Variants in COL4A1 observed in about 807,000 individuals in gnomAD.
The protein encoded by COL4A1 is collagen alpha-1(IV) chain.
COL4A1 carries 40 observed loss-of-function variants against 216.6 expected under a neutral mutation model. The ratio of observed to expected loss-of-function variants is 0.18; its 90% confidence interval spans 0.14 to 0.24. The LOEUF is 0.24. COL4A1 is among the 10% of genes least tolerant of loss of function. The pLI is 1.00. For missense variants in COL4A1, 1,628 were observed against 2,196.8 expected (o/e 0.74, Z 5.18); for synonymous variants, 839 against 810.7 (o/e 1.03, Z -0.59).
At chr13:110,281,111 A>T (rs1029047280) in intron 1 of COL4A1, among the ~76,000 whole-genome samples, 1 of 152,156 alleles carries the variant, frequency 6.6e-6, no homozygotes, top group African/African-American at 2.4e-5. Context: ...GAACTCAACA[A>T]CATCTTTGAC....
chr13:110,291,532 T>C (rs147749536), intron 1 of COL4A1, among the ~76,000 whole-genome samples: 2 of 152,332 alleles, frequency 1.3e-5, no homozygotes, highest in African/African-American at 2.4e-5. Flanking sequence ...TTCTCAGCCC[T>C]GCGAGGCTGG....
At chr13:110,288,258 C>T (rs1026363970) in intron 1 of COL4A1, among the ~76,000 whole-genome samples, 1 of 126,242 alleles carries the variant, frequency 7.9e-6, no homozygotes, top group Non-Finnish European at 1.7e-5. Flanking sequence ...GCGAAACTCC[C>T]TCTCAAAAAA....
chr13:110,172,835 C>T, intron 40 of COL4A1, 65 bp from the exon 41 acceptor site: 2 of 1,320,950 alleles, frequency 1.5e-6, no homozygotes, highest in Non-Finnish European at 2.2e-6. Flanking sequence ...AGGTACAACA[C>T]AAAGCACTAT....
intron 10 of COL4A1, chr13:110,209,777 C>T (rs1285209470): frequency 5.1e-6 from 4 of 783,394 alleles, no homozygotes. Context: ...ATGGTACTAT[C>T]ATCATCCCTT....
At chr13:110,198,409 GCCCGGCA>G in intron 21 of COL4A1, 51 bp downstream of exon 21, 2 of 1,605,040 alleles carry the variant, frequency 1.2e-6, no homozygotes, top group Non-Finnish European at 1.7e-6. Context: ...ACCTGGGTCT[GCCCGGCA>G]CCCTGGTGTC....
intron 2 of COL4A1, among the ~76,000 whole-genome samples, chr13:110,221,300 T>A (rs974279839): frequency 6.6e-6 from 1 of 152,160 alleles, no homozygotes; most frequent in East Asian, 1.9e-4. Context: ...TTCTGATCCA[T>A]GAAAATCCAC....
Position 110,206,701 on chromosome 13 carries a change from G to T in COL4A1, c.822C>A (p.Val274=), listed in dbSNP as rs748356460. 6.2e-7 allele frequency: 1 copy of T among 1,614,048 alleles called. No individual in the cohort carries two copies. The highest frequency in any genetic ancestry group is 2.2e-5 in the East Asian group (1 of 44,878). ...GEPGFQGMPG[V]GEKGEPGKPG... ...GTTTTCCGGGTTCACCTTTCTCTCC[G>T]ACCCCTGGCATCCCCTTAAAGGAAT... The change falls in exon 15 of 52, where the codon GTC becomes GTA. Residue 274 remains valine, a synonymous_variant. Coordinates refer to ENST00000375820, the MANE Select transcript of COL4A1 (RefSeq NM_001845.6).
chr13:110,228,295 GTTC>G (rs953946457), intron 2 of COL4A1, among the ~76,000 whole-genome samples: 85 of 152,154 alleles, frequency 5.6e-4, no homozygotes, highest in African/African-American at 2.0e-3. Context: ...GAACATGTGT[GTTC>G]TTCTCTGTCA....
intron 1 of COL4A1, among the ~76,000 whole-genome samples, chr13:110,259,394 A>T (rs1882711246): frequency 6.6e-6 from 1 of 152,210 alleles, no homozygotes; most frequent in African/African-American, 2.4e-5. Flanking sequence ...TTTCATTAAC[A>T]ATACTACTTA....
At chr13:110,167,890 T>C (rs1877417667) in intron 43 of COL4A1, among the ~76,000 whole-genome samples, 1 of 152,210 alleles carries the variant, frequency 6.6e-6, no homozygotes, top group Admixed American at 6.5e-5. Context: ...ATTTTAAAAG[T>C]GTCAAACCAA....
intron 50 of COL4A1, among the ~76,000 whole-genome samples, chr13:110,154,700 G>T (rs1876687648): frequency 6.6e-6 from 1 of 152,282 alleles, no homozygotes; most frequent in South Asian, 2.1e-4. Context: ...GTCATATGGA[G>T]AAGCTGGTCA....
chr13:110,273,408 GC>G (rs1395636949), intron 1 of COL4A1, among the ~76,000 whole-genome samples: 1 of 152,186 alleles, frequency 6.6e-6, no homozygotes, highest in Non-Finnish European at 1.5e-5. Flanking sequence ...TTTTGCAGAA[GC>G]TTTTTTACCT....
intron 1 of COL4A1, chr13:110,298,759 T>A (rs1884376477): frequency 6.6e-6 from 1 of 152,294 alleles, no homozygotes; most frequent in South Asian, 2.1e-4. Context: ...GGCTCTGCCC[T>A]GGGTCGGCCT....
intron 1 of COL4A1, among the ~76,000 whole-genome samples, chr13:110,258,364 C>G (rs1485248069): frequency 6.6e-6 from 1 of 152,060 alleles, no homozygotes; most frequent in African/African-American, 2.4e-5. Context: ...ATGGTAAAAT[C>G]CCATCTCTAC....
Position 110,211,922 on chromosome 13 carries a change from C to T in COL4A1, c.388G>A (p.Gly130Arg), listed in dbSNP as rs766346293. 6.2e-7 allele frequency: 1 copy of T among 1,614,140 alleles called. No homozygotes were observed. Among genetic ancestry groups the T allele is most frequent in the Non-Finnish European group, 8.5e-7 (1 of 1,180,026 alleles). ...GGAGGCCCGAGCGGCCCTCTCTCCC[C>T]CTGGGGAGACAGCAGAGCATCATTC... ...PGIPGCNGTKGERGPLGPPGL... is the reference protein window; with the variant it reads ...PGIPGCNGTKRERGPLGPPGL... The change falls in exon 7 of 52, where the codon GGG becomes AGG. Residue 130 changes from glycine (G) to arginine (R), a missense_variant and splice_region_variant. Coordinates refer to ENST00000375820, the MANE Select transcript of COL4A1 (RefSeq NM_001845.6). The surrounding 1 kb of genome is among the most constrained non-coding windows in gnomAD (Gnocchi z 4.3).
chr13:110,150,472 T>C, intron 51 of COL4A1, 28 bp from the exon 52 acceptor site: 1 of 1,607,806 alleles, frequency 6.2e-7, no homozygotes. Context: ...GACAGACCAT[T>C]GGCCATCATC....
chr13:110,189,398 G>C (rs890257947), intron 24 of COL4A1, among the ~76,000 whole-genome samples: 5 of 152,210 alleles, frequency 3.3e-5, no homozygotes, highest in African/African-American at 7.2e-5. Context: ...GCCACCACTG[G>C]CCAGCAGCTG....
At chr13:110,181,721 T>C (rs1001648470) in intron 28 of COL4A1, among the ~76,000 whole-genome samples, 2 of 152,152 alleles carry the variant, frequency 1.3e-5, no homozygotes, top group African/African-American at 4.8e-5. Flanking sequence ...GGGCACTTTA[T>C]TCATCTACTC....
At chr13:110,266,325 G>T (rs986325116) in intron 1 of COL4A1, among the ~76,000 whole-genome samples, 1 of 152,202 alleles carries the variant, frequency 6.6e-6, no homozygotes, top group Non-Finnish European at 1.5e-5. Context: ...TTCTCCATGT[G>T]GGGAGACGGA....
Sources: allele counts gnomAD v4.1 joint callset (sites outside exome capture counted in the v4.1 genomes callset), GRCh38; gene constraint gnomAD v4.1.1; non-coding constraint Gnocchi (gnomAD v3.1); transcripts MANE v1.5; gene names NCBI Gene and HGNC (gene_info 2026-07-23, HGNC 2026-07-21).